CCDC83: variants seen among roughly 807,000 people sequenced by gnomAD.
CCDC83 encodes the protein coiled-coil domain-containing protein 83.
CCDC83 carries 54 observed loss-of-function variants against 50.1 expected under a neutral mutation model. The ratio of observed to expected loss-of-function variants is 1.08; its 90% CI spans 0.87 to 1.35. The LOEUF (loss-of-function observed/expected upper bound fraction) is 1.35. Ranked by LOEUF, CCDC83 falls within the 40% of genes most tolerant of loss-of-function variation. The pLI is 0.00. For synonymous variants in CCDC83, 161 were observed against 153.3 expected (o/e 1.05, Z -0.37); for missense variants, 518 against 473.9 (o/e 1.09, Z -0.86).
rs2093499541 is a variant in CCDC83, at chr11:85,919,685, G to GTA, written c.*177_*178dup. On this transcript the variant is annotated 3_prime_UTR_variant, in exon 11 of 11. Coordinates refer to ENST00000342404, the MANE Select transcript of CCDC83 (RefSeq NM_001286159.2). Reference sequence around the variant, plus strand: ...ATTCAGCTATTCATTTACTTGCATGGTATGAGTGACCAAAACGGAAGCACG... The same window carrying GTA: ...ATTCAGCTATTCATTTACTTGCATGGTATATGAGTGACCAAAACGGAAGCACG... 1 of 578,924 alleles carries GTA rather than the reference G, an allele frequency of 1.7e-6. No individual in the cohort carries two copies. Among genetic ancestry groups the GTA allele is most frequent in the Admixed American group, 3.4e-5 (1 of 29,248 alleles). The allele number at this position is 578,924 out of a possible 1,614,324, so 35.9% of individuals were successfully genotyped here. A position where few individuals can be genotyped will look rare whatever the true frequency, so the allele number is the denominator to read the frequency against.
intron 7 of CCDC83, among the ~76,000 whole-genome samples, chr11:85,907,816 A>G (rs982346883): frequency 2.6e-5 from 4 of 152,218 alleles, no homozygotes; most frequent in South Asian, 2.1e-4. Context: ...TGGATGCAAC[A>G]TCTCAAAAGG....
At chr11:85,862,093 T>C (rs192469488) in intron 1 of CCDC83, among the ~76,000 whole-genome samples, 2 of 151,622 alleles carry the variant, frequency 1.3e-5, no homozygotes, top group East Asian at 3.9e-4. Flanking sequence ...GGATACACTG[T>C]GTGTTCTATA....
In CCDC83 at chr11:85,911,358, T is replaced by C; in HGVS notation, c.750T>C (p.Ile250=). Residue 250 remains isoleucine (I), a synonymous_variant, in exon 8 of 11, where the codon ATT becomes ATC. Transcript: ENST00000342404. ...TGGAAGCAGAAAATTTGGTGCTTAT[T>C]GATCAACTATCCAACTGTAGACTTG... is the stretch of plus-strand genomic sequence containing the variant. The part of the protein sequence containing the change: ...HELEAENLVL[I]DQLSNCRLVD... The C allele has an allele frequency of 6.2e-7, 1 of 1,611,774 alleles. No individual in the cohort carries two copies. Among genetic ancestry groups the C allele is most frequent in the Non-Finnish European group, 8.5e-7 (1 of 1,179,028 alleles).
At chr11:85,917,419 T>C (rs1426571091) in intron 10 of CCDC83, among the ~76,000 whole-genome samples, 1 of 152,292 alleles carries the variant, frequency 6.6e-6, no homozygotes, top group Middle Eastern at 3.4e-3. Flanking sequence ...ACATAGCTCC[T>C]ACATCTTGAT....
rs762627883 is a variant in CCDC83 at position 85,886,338 on chromosome 11, C to T, written c.482C>T (p.Thr161Ile). Reference protein sequence around the residue: ...LITSLQNDINTVKENAEKMSE... With the variant: ...LITSLQNDINIVKENAEKMSE... Reference sequence around the variant, plus strand: ...ACCTCCTTACAAAATGACATCAACACAGTTAAAGAGAATGCAGAGAAAATG... The same window carrying T: ...ACCTCCTTACAAAATGACATCAACATAGTTAAAGAGAATGCAGAGAAAATG... Residue 161 changes from threonine to isoleucine, a missense_variant, in exon 5 of 11, where the codon ACA becomes ATA. Coordinates refer to ENST00000342404, the MANE Select transcript of CCDC83 (RefSeq NM_001286159.2). 3.7e-6 allele frequency: 6 copies of T among 1,602,972 alleles called. No homozygotes were observed. Among genetic ancestry groups the T allele is most frequent in the Non-Finnish European group, 5.1e-6 (6 of 1,176,512 alleles).
intron 2 of CCDC83, among the ~76,000 whole-genome samples, chr11:85,865,632 A>T (rs111482869): frequency 0.019 from 2,952 of 152,326 alleles, 105 homozygotes; most frequent in African/African-American, 0.066. Context: ...TCACACCTGT[A>T]TTCCCAGCCC....
chr11:85,882,807 C>A (rs2093307969), intron 4 of CCDC83, 132 bp downstream of exon 4: 1 of 779,012 alleles, frequency 1.3e-6, no homozygotes, highest in Middle Eastern at 3.1e-4. Context: ...CCACCGCAGC[C>A]ACAAACACAT....
At chr11:85,873,184 A>T in intron 2 of CCDC83, 27 bp from the exon 3 acceptor site, 1 of 1,249,490 alleles carries the variant, frequency 8.0e-7, no homozygotes, top group Non-Finnish European at 1.1e-6. Context: ...AATGATTCTA[A>T]CACATTTTAT....
At chr11:85,898,881 T>C in intron 6 of CCDC83, 66 bp from the exon 7 acceptor site, 1 of 1,031,390 alleles carries the variant, frequency 9.7e-7, no homozygotes, top group Non-Finnish European at 1.5e-6. Context: ...TAACTGCACA[T>C]CACTATTGCT....
intron 3 of CCDC83, among the ~76,000 whole-genome samples, chr11:85,880,395 C>G (rs527350008): frequency 3.3e-5 from 5 of 152,256 alleles, no homozygotes; most frequent in African/African-American, 7.2e-5. Context: ...CCCACCTCAG[C>G]CTTCCAAGTA....
intron 7 of CCDC83, among the ~76,000 whole-genome samples, chr11:85,900,706 C>T (rs976283371): frequency 6.6e-6 from 1 of 152,174 alleles, no homozygotes; most frequent in Non-Finnish European, 1.5e-5. Context: ...ACAATAACAA[C>T]AAAAACAGCC....
intron 10 of CCDC83, 94 bp downstream of exon 10, chr11:85,916,327 T>C (rs2093477175): frequency 7.4e-6 from 7 of 940,122 alleles, no homozygotes; most frequent in South Asian, 1.4e-5. Flanking sequence ...AATATGGATA[T>C]TGAAAATTCC....
chr11:85,867,190 G>A (rs1347849458), intron 2 of CCDC83, among the ~76,000 whole-genome samples: 1 of 152,006 alleles, frequency 6.6e-6, no homozygotes, highest in African/African-American at 2.4e-5. Context: ...TGAGTAGCTG[G>A]GAAGACAGGC....
At chr11:85,868,486 C>T (rs1233855112) in intron 2 of CCDC83, among the ~76,000 whole-genome samples, 2 of 152,146 alleles carry the variant, frequency 1.3e-5, no homozygotes, top group Non-Finnish European at 2.9e-5. Context: ...GCAATTCTCC[C>T]ACCTCAGCCT....
chr11:85,880,573 G>T (rs1479376501), intron 3 of CCDC83, among the ~76,000 whole-genome samples: 2 of 149,194 alleles, frequency 1.3e-5, no homozygotes, highest in African/African-American at 4.9e-5. Flanking sequence ...ACTGTGCTGG[G>T]CCCAGATCTT....
intron 10 of CCDC83, 153 bp downstream of exon 10, chr11:85,916,386 G>A: frequency 1.5e-6 from 1 of 658,042 alleles, no homozygotes; most frequent in Admixed American, 2.9e-5. Flanking sequence ...CTCTCATTTG[G>A]ATACCATTTT....
intron 1 of CCDC83, among the ~76,000 whole-genome samples, chr11:85,857,400 AGAG>A (rs1031091899): frequency 6.6e-6 from 1 of 152,228 alleles, no homozygotes; most frequent in African/African-American, 2.4e-5. Context: ...AGGGCGAAAC[AGAG>A]GAGGAGTACC....
At chr11:85,864,233 T>G (rs1277012842) in intron 1 of CCDC83, among the ~76,000 whole-genome samples, 1 of 152,226 alleles carries the variant, frequency 6.6e-6, no homozygotes, top group African/African-American at 2.4e-5. Flanking sequence ...TCCAGCCACT[T>G]AAATAATTAC....
At chr11:85,912,531 C>A in intron 8 of CCDC83, 1 of 700,296 alleles carries the variant, frequency 1.4e-6, no homozygotes, top group Non-Finnish European at 2.6e-6. Context: ...GGATTGATTA[C>A]TGAACTCCTG....
Sources: allele counts gnomAD v4.1 joint callset (sites outside exome capture counted in the v4.1 genomes callset), GRCh38; gene constraint gnomAD v4.1.1; transcripts MANE v1.5; gene names NCBI Gene and HGNC (gene_info 2026-07-23, HGNC 2026-07-21).